LRRC47: variants seen among roughly 807,000 people sequenced by gnomAD.
LRRC47 encodes the protein leucine-rich repeat-containing protein 47.
A neutral mutation model predicts 40.9 loss-of-function variants in LRRC47; 31 were observed. The ratio of observed to expected loss-of-function variants is 0.76; its 90% confidence interval spans 0.57 to 1.02. LRRC47 has a LOEUF of 1.02. Among genes scored for constraint, LRRC47 ranks in the 50% least tolerant of loss-of-function variants. LRRC47 has a pLI of 0.00. For missense variants in LRRC47, 726 were observed against 796.1 expected (o/e 0.91, Z 1.06); for synonymous variants, 427 against 371.9 (o/e 1.15, Z -1.70).
intron 1 of LRRC47, among the ~76,000 whole-genome samples, chr1:3,790,301 G>C (rs2124613536): frequency 6.6e-6 from 1 of 152,328 alleles, no homozygotes; most frequent in South Asian, 2.1e-4. Flanking sequence ...CTCGGAAGCT[G>C]GGGGAGAGCC....
chr1:3,793,293 A>G (rs918189747), intron 1 of LRRC47, among the ~76,000 whole-genome samples: 2 of 152,024 alleles, frequency 1.3e-5, no homozygotes, highest in Non-Finnish European at 2.9e-5. Context: ...GGGTTTCTCC[A>G]TGTTGGTCAG....
At chr1:3,785,039 G>C (rs140145292) in intron 3 of LRRC47, 48 bp downstream of exon 3, 1 of 1,408,402 alleles carries the variant, frequency 7.1e-7, no homozygotes, top group African/African-American at 1.5e-5. Context: ...GGCGTCTTTC[G>C]ACACCAAGGA....
chr1:3,786,971 C>A lies in LRRC47; in HGVS notation c.955G>T (p.Val319Leu). 1 of 1,611,214 alleles carries A rather than the reference C, an allele frequency of 6.2e-7. No individual in the cohort carries two copies. The highest frequency in any genetic ancestry group is 8.5e-7 in the Non-Finnish European group (1 of 1,178,904). Residue 319 changes from valine (V) to leucine (L), a missense_variant, in exon 2 of 7, where the codon GTA (valine) becomes TTA (leucine). Physicochemically the swap from Val to Leu is conservative, Grantham distance 32. Transcript: ENST00000378251. Reference protein sequence around the residue: ...LRVLHVSENPVPLTVRVSPEV... With the variant: ...LRVLHVSENPLPLTVRVSPEV... ...GGGCTCACTCTGACTGTCAGAGGTA[C>A]GGGGTTTTCAGAGACGTGCAGGACC... is the stretch of plus-strand genomic sequence containing the variant.
chr1:3,783,950 G>A (rs753890734), intron 4 of LRRC47, 46 bp downstream of exon 4: 38 of 1,499,598 alleles, frequency 2.5e-5, no homozygotes, highest in South Asian at 2.0e-4. Context: ...GCCAGCATGC[G>A]GCACTCCCCC....
intron 1 of LRRC47, among the ~76,000 whole-genome samples, chr1:3,788,785 A>G (rs1281744867): frequency 6.6e-6 from 1 of 152,000 alleles, no homozygotes; most frequent in African/African-American, 2.4e-5. Flanking sequence ...CCCAGGGAGG[A>G]AGCGACAACT....
chr1:3,789,492 G>T (rs576410246), intron 1 of LRRC47, among the ~76,000 whole-genome samples: 2 of 152,284 alleles, frequency 1.3e-5, no homozygotes, highest in African/African-American at 4.8e-5. Context: ...AGCAGCAGAG[G>T]CGAAGGAGGC....
intron 1 of LRRC47, among the ~76,000 whole-genome samples, chr1:3,787,674 G>A (rs941358534): frequency 8.5e-5 from 13 of 152,210 alleles, no homozygotes; most frequent in African/African-American, 3.1e-4. Context: ...ATGTCTGGGT[G>A]TGAAACGTGA....
Position 3,795,886 on chromosome 1 carries a change from G to A in LRRC47, c.591C>T (p.Asp197=), listed in dbSNP as rs765855284. The A allele has an allele frequency of 5.1e-5, 81 of 1,593,362 alleles. No homozygotes were observed. Among genetic ancestry groups the A allele is most frequent in the Non-Finnish European group, 6.2e-5 (73 of 1,175,174 alleles). Residue 197 remains aspartate, a synonymous_variant, in exon 1 of 7, where the codon GAC becomes GAT. Transcript: ENST00000378251. The part of the protein sequence containing the change: ...ADNCLRELSP[D]IAHLASLKTL... Reference sequence around the variant, plus strand: ...CCTTGAGCGAGGCCAGGTGGGCGATGTCGGGGCTGAGTTCTCGGAGGCAGT... The same window carrying A: ...CCTTGAGCGAGGCCAGGTGGGCGATATCGGGGCTGAGTTCTCGGAGGCAGT...
At chr1:3,794,899 CAA>C (rs1643658920) in intron 1 of LRRC47, among the ~76,000 whole-genome samples, 1 of 151,390 alleles carries the variant, frequency 6.6e-6, no homozygotes, top group African/African-American at 2.4e-5. Context: ...ACTAAAAACA[CAA>C]AAGTTAGCCG....
chr1:3,789,396 C>T (rs1320659938), intron 1 of LRRC47, among the ~76,000 whole-genome samples: 1 of 152,274 alleles, frequency 6.6e-6, no homozygotes. Flanking sequence ...GAGTTCCCCT[C>T]AAGTGGAACC....
intron 1 of LRRC47, among the ~76,000 whole-genome samples, chr1:3,788,590 C>T (rs1643598949): frequency 6.6e-6 from 1 of 152,100 alleles, no homozygotes; most frequent in Non-Finnish European, 1.5e-5. Flanking sequence ...ATTTCTCAAG[C>T]CCCAAGTTGT....
rs921951722 is a variant in LRRC47, at chr1:3,796,093, A to G, written c.384T>C (p.Leu128=). The change falls in exon 1 of 7, where the codon CTT becomes CTC. Residue 128 remains leucine, a synonymous_variant. Transcript: ENST00000378251. ...TGAGGTTGAGGCTCTGCAGCTGCGGAAGGCCCGGCGGCTCGGCGGGGCCCA... is the reference window on the plus strand; with the variant it reads ...TGAGGTTGAGGCTCTGCAGCTGCGGGAGGCCCGGCGGCTCGGCGGGGCCCA... ...QGLGPAEPPG[L]PQLQSLNLSG... is the part of the protein sequence containing the mutation. The G allele has an allele frequency of 2.7e-6, 4 of 1,483,082 alleles. No individual in the cohort carries two copies. Among genetic ancestry groups the G allele is most frequent in the Non-Finnish European group, 3.6e-6 (4 of 1,124,282 alleles). The allele number at this position is 1,483,082 out of a possible 1,614,324, so 91.9% of individuals were successfully genotyped here.
At chr1:3,795,053 C>CAAAAAAAAAAAAA (rs35186516) in intron 1 of LRRC47, among the ~76,000 whole-genome samples, 1 of 61,636 alleles carries the variant, frequency 1.6e-5, no homozygotes, top group Non-Finnish European at 3.2e-5. Flanking sequence ...GACTACATCT[C>CAAAAAAAAAAAAA]AAAAAAAAAA....
intron 1 of LRRC47, among the ~76,000 whole-genome samples, chr1:3,795,253 G>T (rs2124616212): frequency 6.6e-6 from 1 of 152,248 alleles, no homozygotes; most frequent in East Asian, 1.9e-4. Flanking sequence ...TATAGGCCAA[G>T]CATTATCGCG....
At position 3,785,092 on chromosome 1, in the gene LRRC47, G is replaced by A; in HGVS notation, c.1189C>T (p.Leu397Phe). 1.9e-6 allele frequency: 3 copies of A among 1,595,846 alleles called. No individual in the cohort carries two copies. Among genetic ancestry groups the A allele is most frequent in the Non-Finnish European group, 2.6e-6 (3 of 1,171,260 alleles). ...LLYCARPPQD[L>F]KIVPLGRKEA... ...TGCAAAGGAGGCTGCAGCACCTTGAGGTCCTGTGGGGGCCGGGCGCAGTAC... is the reference window on the plus strand; with the variant it reads ...TGCAAAGGAGGCTGCAGCACCTTGAAGTCCTGTGGGGGCCGGGCGCAGTAC... Residue 397 changes from leucine (L) to phenylalanine (F), a missense_variant, in exon 3 of 7, where the codon CTC becomes TTC. Leu to Phe is a conservative substitution (Grantham distance 22). Coordinates refer to ENST00000378251, the MANE Select transcript of LRRC47 (RefSeq NM_020710.3).
At chr1:3,786,474 T>C (rs926311189) in intron 2 of LRRC47, among the ~76,000 whole-genome samples, 1 of 151,796 alleles carries the variant, frequency 6.6e-6, no homozygotes, top group African/African-American at 2.4e-5. Context: ...TACTCCAGCC[T>C]GGGAGACAAA....
At chr1:3,782,271 G>T (rs1342790922) in intron 5 of LRRC47, among the ~76,000 whole-genome samples, 2 of 151,590 alleles carry the variant, frequency 1.3e-5, no homozygotes, top group Non-Finnish European at 2.9e-5. Context: ...AGGCTGGAGT[G>T]GAATGGCGCG....
At chr1:3,786,809 C>T (rs369915300) in intron 2 of LRRC47, 40 bp downstream of exon 2, 131 of 1,525,066 alleles carry the variant, frequency 8.6e-5, no homozygotes, top group Admixed American at 2.3e-4. Flanking sequence ...GCGTCTCACA[C>T]CTCTGTCCCA....
chr1:3,787,894 G>A (rs999086772), intron 1 of LRRC47, among the ~76,000 whole-genome samples: 9 of 152,246 alleles, frequency 5.9e-5, no homozygotes, highest in South Asian at 2.1e-4. Flanking sequence ...CGACTTCAAC[G>A]GCGATGGGTT....
Sources: allele counts gnomAD v4.1 joint callset (sites outside exome capture counted in the v4.1 genomes callset), GRCh38; gene constraint gnomAD v4.1.1; transcripts MANE v1.5; gene names NCBI Gene and HGNC (gene_info 2026-07-23, HGNC 2026-07-21).